The following MEGF10 variants were observed in gnomAD, a reference collection of about 807,000 sequenced individuals.
MEGF10 encodes multiple epidermal growth factor-like domains protein 10.
A neutral mutation model predicts 147.5 loss-of-function variants in MEGF10; 86 were observed. The observed-to-expected ratio is 0.58, with a 90% CI of 0.49 to 0.70. MEGF10 has a LOEUF of 0.70. MEGF10 is among the 30% of genes least tolerant of loss of function. The pLI is 0.00. For synonymous variants in MEGF10, 478 were observed against 525.5 expected, an observed-to-expected ratio of 0.91 and a Z score of 1.24; for missense variants, 1,329 against 1,487.3, an observed-to-expected ratio of 0.89 and a Z score of 1.75.
intron 1 of MEGF10, among the ~76,000 whole-genome samples, chr5:127,313,344 G>T (rs1760379558): frequency 6.6e-6 from 1 of 151,970 alleles, no homozygotes; most frequent in Non-Finnish European, 1.5e-5. Flanking sequence ...GAGTTTTCAG[G>T]GTACCTCCAA....
At chr5:127,397,036 G>A (rs548597408) in intron 6 of MEGF10, among the ~76,000 whole-genome samples, 9 of 152,310 alleles carry the variant, frequency 5.9e-5, no homozygotes, top group African/African-American at 1.9e-4. Flanking sequence ...CAAAGAGAGA[G>A]AGGGTCAGTC....
In MEGF10 at chr5:127,302,253, T is replaced by G. The variant is rs185273590; in HGVS notation, c.-19+11197T>G. ...TCAACTGATAAAGGGATAAACAAAA[T>G]GTGATATATTTACAGAATGGAATAT... On this transcript the variant is annotated intron_variant, in intron 1 of 24. Transcript: ENST00000503335. 8.2e-4 allele frequency among the ~76,000 whole-genome samples: 125 copies of G among 152,302 alleles called. 1 individual carries two copies. The Middle Eastern group carries it at 0.017, about 21-fold the overall frequency.
Position 127,363,590 on chromosome 5 carries a change from A to T in MEGF10, c.320-6320A>T, listed in dbSNP as rs189291380. 1.4e-4 allele frequency among the ~76,000 whole-genome samples: 21 copies of T among 152,310 alleles called. No homozygotes were observed. The East Asian group carries it at 3.7e-3, about 27-fold the overall frequency. ...GGACAATAAATGTAGTTTATTGCTG[A>T]CGTCACTGCTGGCCCTGGTACAAGT... On this transcript the variant is annotated intron_variant, in intron 4 of 24. Transcript: ENST00000503335.
rs768169688 is a variant in MEGF10, at chr5:127,410,370, C to T, written c.918-19C>T. The T allele has an allele frequency of 6.2e-7, 1 of 1,612,318 alleles. No homozygotes were observed. Among genetic ancestry groups the T allele is most frequent in the Non-Finnish European group, 8.5e-7 (1 of 1,178,468 alleles). On this transcript the variant is annotated intron_variant, in intron 8 of 24. Coordinates refer to ENST00000503335, the MANE Select transcript of MEGF10 (RefSeq NM_001256545.2). The stretch of plus-strand genomic sequence containing the variant: ...GCACTAACTAATCTTTCTTCTTGCT[C>T]CTGCCTCTTGCTTGGTAGGTGCCAG...
intron 10 of MEGF10, 96 bp downstream of exon 10, chr5:127,417,908 T>C: frequency 7.9e-7 from 1 of 1,259,786 alleles, no homozygotes; most frequent in South Asian, 1.4e-5. Flanking sequence ...ATACAGTGAA[T>C]GTGCTAAAGT....
chr5:127,350,128 T>C (rs953953177), intron 4 of MEGF10, among the ~76,000 whole-genome samples: 2 of 152,186 alleles, frequency 1.3e-5, no homozygotes, highest in Non-Finnish European at 2.9e-5. Context: ...GTCATCTTGT[T>C]CACTCTCTTC....
chr5:127,270,713 C>T, the MEGF10 span, among the ~76,000 whole-genome samples: 1 of 152,168 alleles, frequency 6.6e-6, no homozygotes, highest in African/African-American at 2.4e-5. Flanking sequence ...GATCCTCTTC[C>T]TCCTCCCACC....
In MEGF10 at chr5:127,421,276, CAA is replaced by C. The variant is rs552487408; in HGVS notation, c.1590+1072_1590+1073del. Among the ~76,000 whole-genome samples the C allele has an allele frequency of 8.1e-3, 1,238 of 152,332 alleles. 5 individuals are homozygous for C. Among genetic ancestry groups the C allele is most frequent in the Middle Eastern group, 0.024 (7 of 294 alleles). On this transcript the variant is annotated intron_variant, in intron 12 of 24. Transcript: ENST00000503335. ...GAGGGTTTAGTGGTTCATATCATGA[CAA>C]AACTAAATCCTGTGTAGCTGTATCA...
chr5:127,392,704 G>A (rs552424989), intron 5 of MEGF10, among the ~76,000 whole-genome samples: 13 of 152,192 alleles, frequency 8.5e-5, no homozygotes, highest in Non-Finnish European at 1.8e-4. Flanking sequence ...GGTTACTGGG[G>A]TATTGGAAGT....
the MEGF10 span, among the ~76,000 whole-genome samples, chr5:127,281,176 T>C: frequency 2.0e-5 from 3 of 152,210 alleles, no homozygotes; most frequent in Non-Finnish European, 4.4e-5. Flanking sequence ...CTTCATTCTG[T>C]CCTTGCACCA....
chr5:127,351,297 C>T (rs1446363406), intron 4 of MEGF10, among the ~76,000 whole-genome samples: 1 of 151,850 alleles, frequency 6.6e-6, no homozygotes, highest in Non-Finnish European at 1.5e-5. Flanking sequence ...TGTATCTTTC[C>T]GGATATATTT....
At chr5:127,281,798 T>C in the MEGF10 span, among the ~76,000 whole-genome samples, 1 of 152,244 alleles carries the variant, frequency 6.6e-6, no homozygotes, top group Non-Finnish European at 1.5e-5. Context: ...TGCACAGGCA[T>C]CTGATGTGGG....
In MEGF10 at chr5:127,461,024, T is replaced by C. The variant is rs1766540274; in HGVS notation, c.*3706T>C. 6.6e-6 allele frequency: 1 copy of C among 152,200 alleles called. No homozygotes were observed. The highest frequency in any genetic ancestry group is 2.1e-4 in the South Asian group (1 of 4,832). 9.4% of individuals were successfully genotyped at this position (152,200 alleles called of 1,614,324 possible). A position where few individuals can be genotyped will look rare whatever the true frequency, so the allele number is the denominator to read the frequency against. On this transcript the variant is annotated 3_prime_UTR_variant, in exon 25 of 25. Transcript: ENST00000503335. ...TAGGCTTCATTTTGATATGACTGAA[T>C]TGCAATCTATATTTTTAAAAAGAAA... is the stretch of plus-strand genomic sequence containing the variant.
intron 18 of MEGF10, among the ~76,000 whole-genome samples, chr5:127,442,299 G>A (rs989145452): frequency 7.9e-5 from 12 of 152,126 alleles, no homozygotes; most frequent in Non-Finnish European, 1.8e-4. Context: ...GCCCCCTGCT[G>A]CTCACTTTAT....
chr5:127,259,540 T>C, the MEGF10 span, among the ~76,000 whole-genome samples: 3 of 152,182 alleles, frequency 2.0e-5, no homozygotes, highest in Non-Finnish European at 2.9e-5. Context: ...GCTGTTGTGA[T>C]ATCCAATATA....
chr5:127,454,410 G>A (rs371380179), intron 22 of MEGF10, among the ~76,000 whole-genome samples, 156 bp from the exon 23 acceptor site: 23 of 152,264 alleles, frequency 1.5e-4, no homozygotes, highest in African/African-American at 5.5e-4. Flanking sequence ...AGGCACTGGG[G>A]ACATCTGGGA....
Position 127,410,613 on chromosome 5 carries a change from C to T in MEGF10, c.1130+12C>T, listed in dbSNP as rs201836299. The T allele has an allele frequency of 5.4e-5, 86 of 1,590,032 alleles. No homozygotes were observed. The African/African-American group carries it at 9.4e-4, about 17-fold the overall frequency. On this transcript the variant is annotated intron_variant, in intron 9 of 24. Coordinates refer to ENST00000503335, the MANE Select transcript of MEGF10 (RefSeq NM_001256545.2). Reference sequence around the variant, plus strand: ...GAAAACACTCATAGGTGAGTGTCAGCTTCCCCTGGAAGGACGTGTCCTGTG... The same window carrying T: ...GAAAACACTCATAGGTGAGTGTCAGTTTCCCCTGGAAGGACGTGTCCTGTG...
At chr5:127,277,633 G>C in the MEGF10 span, among the ~76,000 whole-genome samples, 3 of 152,310 alleles carry the variant, frequency 2.0e-5, no homozygotes, top group East Asian at 5.8e-4. Flanking sequence ...GTGGCACTGG[G>C]AGTGGTTGGT....
At chr5:127,379,594 C>CTTTTT (rs36030791) in intron 5 of MEGF10, among the ~76,000 whole-genome samples, 103 of 90,366 alleles carry the variant, frequency 1.1e-3, no homozygotes, top group East Asian at 1.7e-3. Flanking sequence ...TGGCCAGCTT[C>CTTTTT]TTTTTTTTTT....
Sources: gnomAD v4.1 joint callset for allele counts (sites outside exome capture counted in the v4.1 genomes callset) on GRCh38, gnomAD v4.1.1 for gene constraint, MANE v1.5 for transcripts, NCBI Gene and HGNC (gene_info 2026-07-23, HGNC 2026-07-21) for gene names.